LSS: variants seen among roughly 807,000 people sequenced by gnomAD.
The protein encoded by LSS is lanosterol synthase, also known as 2,3-epoxysqualene-lanosterol cyclase.
LSS carries 90 observed loss-of-function variants against 110.3 expected under a neutral mutation model. That is an observed-to-expected ratio of 0.82 (90% confidence interval 0.69 to 0.97). The LOEUF is 0.97. Ranked by LOEUF, LSS falls within the 50% of genes least tolerant of loss-of-function variation. The pLI, the probability that LSS is intolerant of heterozygous loss-of-function variation, is 0.00. For missense variants in LSS, 927 were observed against 990.0 expected (o/e 0.94, Z 0.85); for synonymous variants, 433 against 400.0 (o/e 1.08, Z -0.98).
intron 9 of LSS, among the ~76,000 whole-genome samples, chr21:46,214,657 G>A (rs1222204747): frequency 6.6e-6 from 1 of 152,122 alleles, no homozygotes; most frequent in East Asian, 1.9e-4. Flanking sequence ...CACAGCCCGG[G>A]AATTGCACCC....
rs5025860 is a variant in LSS at position 46,193,572 on chromosome 21, C to T, written c.1988+919G>A. On this transcript the variant is annotated intron_variant, in intron 20 of 21. Coordinates refer to ENST00000397728, the MANE Select transcript of LSS (RefSeq NM_002340.6). ...TGGCACAGATGGGATCCTGTGGGTGCATCTGTACGTGTGTGTACACAGGTG... is the reference window on the plus strand; with the variant it reads ...TGGCACAGATGGGATCCTGTGGGTGTATCTGTACGTGTGTGTACACAGGTG... The T allele has an allele frequency of 4.4e-4, 147 of 334,484 alleles. 3 individuals carry two copies. Among genetic ancestry groups the T allele is most frequent in the South Asian group, 1.6e-3 (93 of 56,766 alleles). 20.7% of individuals were successfully genotyped at this position (334,484 alleles called of 1,614,324 possible).
rs554912231 is a variant in LSS, at chr21:46,227,586, C to T, written c.285G>A (p.Thr95=). The stretch of plus-strand genomic sequence containing the variant: ...GGAAAAGTGGGCCACCATAATCACC[C>T]GTCCAGTGCCCATCCTCAGCCTGCA... The part of the protein sequence containing the change: ...VGLQAEDGHW[T]GDYGGPLFLL... Residue 95 remains threonine, a synonymous_variant, in exon 3 of 22, where the codon ACG becomes ACA. Transcript: ENST00000397728. 1.1e-5 allele frequency: 17 copies of T among 1,613,988 alleles called. No individual in the cohort carries two copies. Among genetic ancestry groups the T allele is most frequent in the African/African-American group, 2.7e-5 (2 of 75,030 alleles).
At chr21:46,224,381 G>A (rs1056953194) in intron 3 of LSS, among the ~76,000 whole-genome samples, 1 of 152,116 alleles carries the variant, frequency 6.6e-6, no homozygotes, top group African/African-American at 2.4e-5. Context: ...TGGTGGCAGT[G>A]GTCCCCCGGG....
chr21:46,222,040 C>G (rs1050006620), intron 4 of LSS, 65 bp from the exon 5 acceptor site: 4 of 1,585,338 alleles, frequency 2.5e-6, no homozygotes, highest in Admixed American at 3.5e-5. Flanking sequence ...TAAAGCAAAA[C>G]TTTCTGTGGA....
At chr21:46,227,219 C>G in intron 3 of LSS, 1 of 267,244 alleles carries the variant, frequency 3.7e-6, no homozygotes, top group Non-Finnish European at 7.1e-6. Flanking sequence ...ACCTACAGCC[C>G]CTTGGCATAG....
chr21:46,195,924 G>C (rs534055684), intron 18 of LSS, among the ~76,000 whole-genome samples, 168 bp from the exon 19 acceptor site: 1 of 152,328 alleles, frequency 6.6e-6, no homozygotes, highest in African/African-American at 2.4e-5. Flanking sequence ...GACCCTAAGA[G>C]CAAGCAGAAA....
chr21:46,196,541 T>A (rs2079912464), intron 17 of LSS, among the ~76,000 whole-genome samples: 1 of 152,136 alleles, frequency 6.6e-6, no homozygotes, highest in Non-Finnish European at 1.5e-5. Context: ...AGGAGCAGCA[T>A]CCCTGAGATC....
At chr21:46,210,845 C>G in intron 11 of LSS, 101 bp from the exon 12 acceptor site, 1 of 1,120,894 alleles carries the variant, frequency 8.9e-7, no homozygotes, top group Non-Finnish European at 1.3e-6. Flanking sequence ...GGTGTGGGGG[C>G]TCCCACCCAG....
rs901176116 is a variant in LSS, at chr21:46,227,387, G to A, written c.319+165C>T. Reference sequence around the variant, plus strand: ...ACTGGCAAGGCTAGCTGATCCCCTAGACCAATAGCAGGACGACTCTGACAT... The same window carrying A: ...ACTGGCAAGGCTAGCTGATCCCCTAAACCAATAGCAGGACGACTCTGACAT... On this transcript the variant is annotated intron_variant, in intron 3 of 21. Coordinates refer to ENST00000397728, the MANE Select transcript of LSS (RefSeq NM_002340.6). The A allele has an allele frequency of 1.1e-4, 84 of 789,110 alleles. 1 individual carries two copies. The African/African-American group carries it at 1.2e-3, about 12-fold the overall frequency. The allele number at this position is 789,110 out of a possible 1,614,324, so 48.9% of individuals were successfully genotyped here. A position where few individuals can be genotyped will look rare whatever the true frequency, so the allele number is the denominator to read the frequency against.
At chr21:46,207,391 C>G (rs201318771) in intron 15 of LSS, 37 bp downstream of exon 15, 4 of 1,605,954 alleles carry the variant, frequency 2.5e-6, no homozygotes, top group Non-Finnish European at 2.5e-6. Flanking sequence ...CTGCAGGACA[C>G]GAGGTATGGA....
intron 17 of LSS, among the ~76,000 whole-genome samples, chr21:46,203,336 C>T (rs1401099089): frequency 1.3e-5 from 2 of 152,226 alleles, no homozygotes; most frequent in Non-Finnish European, 2.9e-5. Flanking sequence ...GCCATTACTG[C>T]TCGTGCTGGA....
In LSS at chr21:46,188,692, T is replaced by G. The variant is rs1476266325; in HGVS notation, c.*2412A>C. ...TGGAACAGGAAAAATACACTCCCTC[T>G]AAACAATGGATTGAACACAGATGTG... On this transcript the variant is annotated 3_prime_UTR_variant, in exon 22 of 22. Transcript: ENST00000397728. 2.1e-6 allele frequency: 1 copy of G among 470,918 alleles called. No homozygotes were observed. Among genetic ancestry groups the G allele is most frequent in the African/African-American group, 2.0e-5 (1 of 50,036 alleles). The allele number at this position is 470,918 out of a possible 1,614,324, so 29.2% of individuals were successfully genotyped here.
chr21:46,224,988 T>G (rs767451021), intron 3 of LSS, among the ~76,000 whole-genome samples: 184 of 152,202 alleles, frequency 1.2e-3, no homozygotes, highest in Non-Finnish European at 2.4e-3. Flanking sequence ...TGGTGGCACA[T>G]GGCTGTAATC....
At chr21:46,206,012 GC>G in intron 16 of LSS, 71 bp from the exon 17 acceptor site, 2 of 1,183,970 alleles carry the variant, frequency 1.7e-6, no homozygotes, top group Non-Finnish European at 2.5e-6. Context: ...CTCAGGCAAA[GC>G]CACAACAAGC....
intron 17 of LSS, among the ~76,000 whole-genome samples, chr21:46,198,916 A>C (rs2079945382): frequency 6.6e-6 from 1 of 151,974 alleles, no homozygotes; most frequent in South Asian, 2.1e-4. Context: ...ACCTAGATGT[A>C]AAATGCAAAA....
rs2080042254 is a variant in LSS, at chr21:46,205,892, C to T, written c.1614G>A (p.Met538Ile). ...YTYVECTSAV[M>I]QALKYFHKRF... ...GCTTGTGGAAATACTTAAGCGCCTG[C>T]ATCACGGCTGAGGTGCACTCCACAT... The change falls in exon 17 of 22, where the codon ATG becomes ATA. Residue 538 changes from methionine (M) to isoleucine (I), a missense_variant. By Grantham distance (10) the Met-to-Ile change is conservative. Transcript: ENST00000397728. The T allele has an allele frequency of 2.5e-6, 4 of 1,611,660 alleles. No homozygotes were observed. Among genetic ancestry groups the T allele is most frequent in the Non-Finnish European group, 3.4e-6 (4 of 1,179,068 alleles).
At chr21:46,223,511 C>T (rs1333835620) in intron 3 of LSS, among the ~76,000 whole-genome samples, 10 of 152,178 alleles carry the variant, frequency 6.6e-5, no homozygotes, top group Admixed American at 1.3e-4. Flanking sequence ...CCTGTGTGGG[C>T]GGCAAGCCAC....
In LSS at chr21:46,194,681, G is replaced by A. The variant is rs768237682; in HGVS notation, c.1818-20C>T. 3.5e-5 allele frequency: 56 copies of A among 1,606,370 alleles called. No individual in the cohort carries two copies. The highest frequency in any genetic ancestry group is 4.3e-5 in the Non-Finnish European group (51 of 1,178,372). ...GCAGTCCTGCAAAGACCAGAGACAGGAGACACCATCACACCAAGGAAGGTC... is the reference window on the plus strand; with the variant it reads ...GCAGTCCTGCAAAGACCAGAGACAGAAGACACCATCACACCAAGGAAGGTC... On this transcript the variant is annotated intron_variant, in intron 19 of 21. Transcript: ENST00000397728.
intron 14 of LSS, among the ~76,000 whole-genome samples, chr21:46,207,896 G>A (rs2080074853): frequency 6.6e-6 from 1 of 152,234 alleles, no homozygotes; most frequent in Non-Finnish European, 1.5e-5. Flanking sequence ...TAATTTCACA[G>A]TCTGCACCTG....
Sources: allele counts gnomAD v4.1 joint callset (sites outside exome capture counted in the v4.1 genomes callset), GRCh38; gene constraint gnomAD v4.1.1; transcripts MANE v1.5; gene names NCBI Gene and HGNC (gene_info 2026-07-23, HGNC 2026-07-21).